Variants in CDKN2B-AS1 observed in about 807,000 individuals in gnomAD.
The protein encoded by CDKN2B-AS1 is CDKN2B antisense RNA 1 (non-protein coding).
chr9:22,011,775 T>C (rs143214699), intron 1 of CDKN2B-AS1, among the ~76,000 whole-genome samples: 1 of 152,332 alleles, frequency 6.6e-6, no homozygotes, highest in Non-Finnish European at 1.5e-5. Flanking sequence ...ATTTTACCTC[T>C]CCTTGAAACC....
intron 4 of CDKN2B-AS1, among the ~76,000 whole-genome samples, chr9:22,089,745 C>T (rs984294819): frequency 1.3e-5 from 2 of 152,032 alleles, no homozygotes; most frequent in African/African-American, 4.8e-5. Flanking sequence ...CTACTTTGCC[C>T]CCTAGCAGAC....
chr9:22,065,301 T>C (rs1291421376), intron 4 of CDKN2B-AS1, among the ~76,000 whole-genome samples: 1 of 152,224 alleles, frequency 6.6e-6, no homozygotes, highest in Non-Finnish European at 1.5e-5. Flanking sequence ...CTGGCTCATT[T>C]GTGAGATGGA....
At chr9:22,076,234 A>G (rs982011670) in intron 4 of CDKN2B-AS1, among the ~76,000 whole-genome samples, 2 of 151,982 alleles carry the variant, frequency 1.3e-5, no homozygotes, top group Non-Finnish European at 2.9e-5. Flanking sequence ...TTGTATTTTT[A>G]GTAGAGACAG....
chr9:22,098,133 T>C (rs1052098712), intron 4 of CDKN2B-AS1, among the ~76,000 whole-genome samples: 4 of 151,198 alleles, frequency 2.6e-5, no homozygotes, highest in Admixed American at 2.6e-4. Flanking sequence ...ATAATGTAGA[T>C]GGAATATCTT....
intron 4 of CDKN2B-AS1, among the ~76,000 whole-genome samples, chr9:22,057,034 CAT>C (rs1476882854): frequency 6.6e-6 from 1 of 152,116 alleles, no homozygotes; most frequent in South Asian, 2.1e-4. Context: ...CATATAATAA[CAT>C]ATTATTCTGA....
At chr9:22,008,890 C>T (rs2131190413) in intron 1 of CDKN2B-AS1, 1 of 1,612,588 alleles carries the variant, frequency 6.2e-7, no homozygotes. Flanking sequence ...CCCCGCGCCG[C>T]GGCGCTGGCC....
At chr9:22,064,772 G>A (rs1823971892) in intron 4 of CDKN2B-AS1, among the ~76,000 whole-genome samples, 1 of 152,138 alleles carries the variant, frequency 6.6e-6, no homozygotes, top group Non-Finnish European at 1.5e-5. Context: ...GTGGACTCAT[G>A]ATGAGCTGAG....
At chr9:22,124,714 C>T (rs1817990754) in intron 4 of CDKN2B-AS1, among the ~76,000 whole-genome samples, 3 of 152,228 alleles carry the variant, frequency 2.0e-5, no homozygotes, top group Non-Finnish European at 2.9e-5. Context: ...TTGGGAACAG[C>T]GTGGAGTCTA....
Position 21,999,148 on chromosome 9 carries a change from C to G in CDKN2B-AS1, n.29+3987C>G, listed in dbSNP as rs542975968. Among the ~76,000 whole-genome samples the G allele has an allele frequency of 1.3e-3, 203 of 152,160 alleles. No homozygotes were observed. Among genetic ancestry groups the G allele is most frequent in the Non-Finnish European group, 1.8e-3 (121 of 67,962 alleles). ...AGTTGTCAGGAAACAATCACTCTTACTATTACAACTTGGTGTAATTGTTTT... is the reference window on the plus strand; with the variant it reads ...AGTTGTCAGGAAACAATCACTCTTAGTATTACAACTTGGTGTAATTGTTTT... On this transcript the variant is annotated intron_variant and non_coding_transcript_variant, in intron 1 of 4. Coordinates refer to ENST00000650946, the Ensembl canonical transcript of CDKN2B-AS1. This position sits in a 1 kb window ranked among gnomAD's most constrained non-coding sequence, Gnocchi z 4.7.
intron 4 of CDKN2B-AS1, among the ~76,000 whole-genome samples, chr9:22,104,331 C>T (rs970355103): frequency 6.6e-6 from 1 of 152,142 alleles, no homozygotes; most frequent in African/African-American, 2.4e-5. Flanking sequence ...AGCTAGAGGC[C>T]ATGTGAGATT....
intron 4 of CDKN2B-AS1, among the ~76,000 whole-genome samples, chr9:22,060,747 G>A (rs1303115652): frequency 6.6e-6 from 1 of 152,202 alleles, no homozygotes; most frequent in East Asian, 1.9e-4. Context: ...GTTCCACATG[G>A]CTGGAGAGGC....
At chr9:22,067,406 C>G (rs1824093002) in intron 4 of CDKN2B-AS1, among the ~76,000 whole-genome samples, 1 of 152,116 alleles carries the variant, frequency 6.6e-6, no homozygotes. Context: ...ATAAATGAAG[C>G]TTCATAGAAC....
intron 3 of CDKN2B-AS1, among the ~76,000 whole-genome samples, chr9:22,053,834 C>T (rs561991696): frequency 9.2e-5 from 14 of 152,010 alleles, no homozygotes; most frequent in African/African-American, 3.4e-4. Context: ...TCTTGTAGAC[C>T]GTCACTAGCT....
intron 4 of CDKN2B-AS1, among the ~76,000 whole-genome samples, chr9:22,108,522 A>G (rs1825718376): frequency 6.6e-6 from 1 of 152,192 alleles, no homozygotes; most frequent in Non-Finnish European, 1.5e-5. Context: ...GCAAAATCAT[A>G]CAGTTTGGTC....
chr9:22,014,584 G>T (rs1193714603), intron 1 of CDKN2B-AS1, among the ~76,000 whole-genome samples: 1 of 152,034 alleles, frequency 6.6e-6, no homozygotes, highest in South Asian at 2.1e-4. Context: ...TCAAAATAAT[G>T]AGTTGAGTCC....
chr9:22,121,912 G>A, intron 4 of CDKN2B-AS1, among the ~76,000 whole-genome samples: 1 of 152,108 alleles, frequency 6.6e-6, no homozygotes, highest in Non-Finnish European at 1.5e-5. Flanking sequence ...TAAATTGCTA[G>A]TAATGGGATT....
intron 4 of CDKN2B-AS1, among the ~76,000 whole-genome samples, chr9:22,097,046 G>C (rs72652450): frequency 6.6e-6 from 1 of 152,162 alleles, no homozygotes; most frequent in Non-Finnish European, 1.5e-5. Context: ...GTCAGATGCA[G>C]ACCTGTCTTC....
chr9:22,040,884 A>C (rs1822870148), intron 1 of CDKN2B-AS1, among the ~76,000 whole-genome samples: 1 of 152,058 alleles, frequency 6.6e-6, no homozygotes, highest in South Asian at 2.1e-4. Context: ...GAAATACTCA[A>C]GAGGTTCCCT....
intron 4 of CDKN2B-AS1, chr9:22,066,316 C>G (rs1432473982): frequency 2.6e-5 from 4 of 151,940 alleles, no homozygotes; most frequent in Non-Finnish European, 5.9e-5. Flanking sequence ...CAGGCTCAAA[C>G]CTGAGCAGCT....
Sources: gnomAD v4.1 joint callset for allele counts (sites outside exome capture counted in the v4.1 genomes callset) on GRCh38, gnomAD v4.1.1 for gene constraint, Gnocchi (gnomAD v3.1) non-coding constraint, MANE v1.5 for transcripts, NCBI Gene and HGNC (gene_info 2026-07-23, HGNC 2026-07-21) for gene names.